SGCD: variants seen among roughly 807,000 people sequenced by gnomAD.
SGCD encodes delta-sarcoglycan.
Under a neutral mutation model 36.6 loss-of-function variants are expected in SGCD, and 18 were observed. That is an observed-to-expected ratio of 0.49 (90% CI 0.34 to 0.73). The LOEUF (loss-of-function observed/expected upper bound fraction) is 0.73. Ranked by LOEUF, SGCD falls within the 30% of genes least tolerant of loss-of-function variation. The pLI is 0.01. For synonymous variants in SGCD, 133 were observed against 130.6 expected (o/e 1.02, Z -0.12); for missense variants, 387 against 346.7 (o/e 1.12, Z -0.92).
intron 1 of SGCD, among the ~76,000 whole-genome samples, chr5:155,915,087 A>T (rs533965326): frequency 6.6e-6 from 1 of 152,296 alleles, no homozygotes; most frequent in African/African-American, 2.4e-5. Context: ...GCTCTTAAAT[A>T]GCTTCAATTC....
chr5:156,157,078 A>C (rs777385652), intron 3 of SGCD, among the ~76,000 whole-genome samples: 1 of 151,708 alleles, frequency 6.6e-6, no homozygotes. Context: ...GAAGAATGAG[A>C]TATGTCACAC....
intron 1 of SGCD, among the ~76,000 whole-genome samples, chr5:155,907,432 T>G (rs1756542418): frequency 6.6e-6 from 1 of 152,126 alleles, no homozygotes; most frequent in Non-Finnish European, 1.5e-5. Flanking sequence ...AGATGGTGAC[T>G]TCTCTGATCG....
chr5:156,612,944 T>C (rs893003829), intron 6 of SGCD, among the ~76,000 whole-genome samples: 3 of 152,200 alleles, frequency 2.0e-5, no homozygotes, highest in African/African-American at 7.2e-5. Context: ...GCAAGGACTA[T>C]AGGTGTGTGT....
intron 3 of SGCD, among the ~76,000 whole-genome samples, chr5:156,203,379 C>T (rs1764197317): frequency 6.6e-6 from 1 of 152,102 alleles, no homozygotes; most frequent in African/African-American, 2.4e-5. Flanking sequence ...ACTACAAAGG[C>T]ATTGTTCCTA....
At chr5:156,398,551 T>C (rs1771981026) in intron 3 of SGCD, among the ~76,000 whole-genome samples, 1 of 152,204 alleles carries the variant, frequency 6.6e-6, no homozygotes, top group Admixed American at 6.5e-5. Flanking sequence ...AAATAATAGG[T>C]GCCTTCCTGC....
intron 6 of SGCD, among the ~76,000 whole-genome samples, chr5:156,625,825 G>T (rs532621299): frequency 5.9e-5 from 9 of 152,282 alleles, no homozygotes; most frequent in African/African-American, 2.2e-4. Context: ...TTAATATCAT[G>T]GACCGGATGA....
In SGCD at chr5:156,278,649, A is replaced by G. The variant is rs564415327; in HGVS notation, c.-43-50885A>G. Reference sequence around the variant, plus strand: ...AGCAGTCATTTTGAGGCAGCTTCATAAGTACTTTTCAAACCTATCCTCTTG... The same window carrying G: ...AGCAGTCATTTTGAGGCAGCTTCATGAGTACTTTTCAAACCTATCCTCTTG... On this transcript the variant is annotated intron_variant, in intron 3 of 9. Coordinates refer to the SGCD transcript ENST00000517913. 3.9e-5 allele frequency among the ~76,000 whole-genome samples: 6 copies of G among 152,324 alleles called. No individual in the cohort carries two copies. In the South Asian group the frequency reaches 1.2e-3, roughly 32 times the overall value.
intron 3 of SGCD, among the ~76,000 whole-genome samples, chr5:156,394,019 A>C (rs1406848505): frequency 3.9e-5 from 6 of 152,230 alleles, no homozygotes; most frequent in Non-Finnish European, 7.3e-5. Flanking sequence ...TTGTGATTTA[A>C]TGGTGCTTTG....
chr5:156,305,249 A>T (rs1767173147), intron 3 of SGCD, among the ~76,000 whole-genome samples: 1 of 152,098 alleles, frequency 6.6e-6, no homozygotes, highest in Non-Finnish European at 1.5e-5. Flanking sequence ...AGGAGGAAAA[A>T]GTAGTTTCAT....
At chr5:156,040,796 C>T (rs1759614951) in intron 1 of SGCD, among the ~76,000 whole-genome samples, 1 of 152,086 alleles carries the variant, frequency 6.6e-6, no homozygotes, top group South Asian at 2.1e-4. Flanking sequence ...TTAAGTCTTA[C>T]ATCAGATTAT....
the SGCD span, among the ~76,000 whole-genome samples, chr5:155,833,082 T>C: frequency 7.0e-6 from 1 of 143,070 alleles, no homozygotes; most frequent in Non-Finnish European, 1.5e-5. Flanking sequence ...GAAAAAAAAT[T>C]AGCCAGGCAT....
chr5:155,923,001 CAT>C (rs1176647283), intron 1 of SGCD, among the ~76,000 whole-genome samples: 2 of 152,138 alleles, frequency 1.3e-5, no homozygotes, highest in Non-Finnish European at 2.9e-5. Flanking sequence ...CAGCATGAAA[CAT>C]AGTCATTATT....
At chr5:156,746,858 T>C (rs1291493956) in intron 7 of SGCD, among the ~76,000 whole-genome samples, 1 of 152,042 alleles carries the variant, frequency 6.6e-6, no homozygotes, top group Non-Finnish European at 1.5e-5. Flanking sequence ...TATTAATAAA[T>C]TGAAATTTAT....
At chr5:156,218,085 C>A (rs1484416593) in intron 3 of SGCD, among the ~76,000 whole-genome samples, 1 of 151,858 alleles carries the variant, frequency 6.6e-6, no homozygotes, top group Admixed American at 6.6e-5. Flanking sequence ...ACCAGCCTGG[C>A]CAATATGGTG....
the SGCD span, among the ~76,000 whole-genome samples, chr5:155,770,984 AT>A: frequency 1.3e-5 from 2 of 152,006 alleles, no homozygotes; most frequent in African/African-American, 4.8e-5. Flanking sequence ...AGAGGTTTTA[AT>A]TTTTTTCTTT....
intron 1 of SGCD, among the ~76,000 whole-genome samples, chr5:155,913,749 T>A (rs1196208167): frequency 6.6e-6 from 1 of 152,120 alleles, no homozygotes; most frequent in African/African-American, 2.4e-5. Context: ...TAAAAAAAAA[T>A]AGATCTAAAA....
the SGCD span, among the ~76,000 whole-genome samples, chr5:155,851,679 C>T: frequency 6.6e-6 from 1 of 152,160 alleles, no homozygotes; most frequent in African/African-American, 2.4e-5. Context: ...GAAGGCCCTT[C>T]TCCACTTTTT....
intron 3 of SGCD, among the ~76,000 whole-genome samples, chr5:156,246,816 C>T (rs1342843931): frequency 6.6e-6 from 1 of 152,038 alleles, no homozygotes; most frequent in Non-Finnish European, 1.5e-5. Context: ...TAGTGCTAGA[C>T]CCTAGAAACA....
At chr5:156,010,286 T>C (rs373445943) in intron 1 of SGCD, among the ~76,000 whole-genome samples, 52 of 152,232 alleles carry the variant, frequency 3.4e-4, no homozygotes, top group African/African-American at 1.2e-3. Context: ...AGGATATTAC[T>C]GTTGGGAATG....
Sources: allele counts gnomAD v4.1 joint callset (sites outside exome capture counted in the v4.1 genomes callset), GRCh38; gene constraint gnomAD v4.1.1; transcripts MANE v1.5; gene names NCBI Gene and HGNC (gene_info 2026-07-23, HGNC 2026-07-21).